Variants in PPP2R2B observed in about 807,000 individuals in gnomAD.
PPP2R2B encodes serine/threonine-protein phosphatase 2A 55 kDa regulatory subunit B beta isoform.
Under a neutral mutation model 46.0 loss-of-function variants are expected in PPP2R2B, and 5 were observed. The observed-to-expected ratio is 0.11, with a 90% CI of 0.06 to 0.23. PPP2R2B has a LOEUF of 0.23. PPP2R2B is among the 10% of genes least tolerant of loss of function. The probability of loss-of-function intolerance (pLI) is 1.00; values close to 1 mark genes in which losing one functional copy is unlikely to be tolerated. For missense variants in PPP2R2B, 367 were observed against 575.0 expected (o/e 0.64, Z 3.70); for synonymous variants, 215 against 206.7 (o/e 1.04, Z -0.34).
rs111379586 is a variant in PPP2R2B at position 147,053,812 on chromosome 5, T to A, written c.79+1853A>T. 9.0e-3 allele frequency among the ~76,000 whole-genome samples: 1,365 copies of A among 152,318 alleles called. 7 individuals carry two copies. The highest frequency in any genetic ancestry group is 0.014 in the Non-Finnish European group (953 of 68,030). ...TCAGTGGTAACAGTTCATCTCAACA[T>A]CCTTGTTATAGATAAAACTGGGCAT... On this transcript the variant is annotated intron_variant, in intron 1 of 8. Coordinates refer to the PPP2R2B transcript ENST00000336640.
intron 2 of PPP2R2B, among the ~76,000 whole-genome samples, chr5:146,725,594 C>A (rs1314867561): frequency 6.6e-6 from 1 of 152,168 alleles, no homozygotes; most frequent in Non-Finnish European, 1.5e-5. Flanking sequence ...AGTGTACTAT[C>A]CTCTTCTCAG....
chr5:146,874,143 C>T (rs914969425), intron 2 of PPP2R2B, among the ~76,000 whole-genome samples: 1 of 152,172 alleles, frequency 6.6e-6, no homozygotes, highest in African/African-American at 2.4e-5. Flanking sequence ...TGTGCCTTTC[C>T]TAAATATCAC....
chr5:146,747,680 G>A (rs1214150708), intron 2 of PPP2R2B, among the ~76,000 whole-genome samples: 1 of 152,172 alleles, frequency 6.6e-6, no homozygotes, highest in East Asian at 1.9e-4. Context: ...CCAAGGTTTG[G>A]GAAGTGGTAC....
In PPP2R2B at chr5:146,588,048, TTC is replaced by T. The variant is rs1390512749; in HGVS notation, c.*1897_*1898del. 1.3e-5 allele frequency: 2 copies of T among 152,150 alleles called. No homozygotes were observed. The highest frequency in any genetic ancestry group is 2.9e-5 in the Non-Finnish European group (2 of 68,018). 9.4% of individuals were successfully genotyped at this position (152,150 alleles called of 1,614,324 possible). On this transcript the variant is annotated 3_prime_UTR_variant, in exon 10 of 10. Coordinates refer to ENST00000394411, the MANE Select transcript of PPP2R2B (RefSeq NM_181675.4). ...ATCACTCTCTATGACTGGCAGAAGT[TTC>T]TGACTCTCTCATGTCTCCTCCAAGA...
intron 5 of PPP2R2B, among the ~76,000 whole-genome samples, chr5:146,669,500 AT>A (rs1777207125): frequency 2.0e-5 from 3 of 151,852 alleles, no homozygotes; most frequent in Admixed American, 2.0e-4. Flanking sequence ...ATATATTTAT[AT>A]GTATATATTA....
At chr5:146,632,556 G>C (rs1774512795) in intron 7 of PPP2R2B, among the ~76,000 whole-genome samples, 1 of 152,160 alleles carries the variant, frequency 6.6e-6, no homozygotes, top group African/African-American at 2.4e-5. Context: ...AGTAATTAGT[G>C]AGATAAAGTC....
intron 1 of PPP2R2B, among the ~76,000 whole-genome samples, chr5:146,956,298 C>T (rs981043936): frequency 6.6e-6 from 1 of 152,064 alleles, no homozygotes; most frequent in Non-Finnish European, 1.5e-5. Flanking sequence ...ACTTTAATCT[C>T]ATGAATGGAA....
intron 5 of PPP2R2B, among the ~76,000 whole-genome samples, chr5:146,674,162 C>T (rs322988): frequency 0.73 from 111,083 of 152,072 alleles, 42,925 homozygotes; most frequent in Non-Finnish European, 0.86. Flanking sequence ...GTACTAAAAG[C>T]CAGATACTGT....
intron 7 of PPP2R2B, among the ~76,000 whole-genome samples, chr5:146,633,399 G>A (rs540945892): frequency 1.3e-5 from 2 of 152,318 alleles, no homozygotes; most frequent in African/African-American, 4.8e-5. Context: ...TTGACTGCAG[G>A]CTGCCGTTTG....
chr5:146,907,620 C>A (rs2436401), intron 1 of PPP2R2B, among the ~76,000 whole-genome samples: 1 of 152,046 alleles, frequency 6.6e-6, no homozygotes, highest in East Asian at 1.9e-4. Flanking sequence ...CACACTGTGC[C>A]TCACACTGTT....
At chr5:146,764,254 G>A (rs966901341) in intron 2 of PPP2R2B, among the ~76,000 whole-genome samples, 9 of 152,084 alleles carry the variant, frequency 5.9e-5, no homozygotes, top group Admixed American at 1.3e-4. Context: ...GATGACAAAA[G>A]CCTTGTGGGC....
intron 2 of PPP2R2B, among the ~76,000 whole-genome samples, chr5:147,064,257 G>A (rs1384554072): frequency 6.6e-6 from 1 of 152,144 alleles, no homozygotes; most frequent in Non-Finnish European, 1.5e-5. Flanking sequence ...TTATGGCAGG[G>A]TTTCTCAACC....
At chr5:146,933,447 C>T (rs1764031783) in intron 1 of PPP2R2B, among the ~76,000 whole-genome samples, 1 of 151,990 alleles carries the variant, frequency 6.6e-6, no homozygotes, top group African/African-American at 2.4e-5. Flanking sequence ...TATTCCCATT[C>T]TCTCTCAGAT....
At chr5:146,667,065 G>C (rs925739866) in intron 5 of PPP2R2B, among the ~76,000 whole-genome samples, 3 of 152,112 alleles carry the variant, frequency 2.0e-5, no homozygotes, top group Non-Finnish European at 2.9e-5. Context: ...GTAGATTCTG[G>C]ATAATTGGAT....
chr5:146,846,951 C>T (rs913579457), intron 2 of PPP2R2B, among the ~76,000 whole-genome samples: 2 of 152,168 alleles, frequency 1.3e-5, no homozygotes, highest in Admixed American at 6.5e-5. Flanking sequence ...GTATTCTTAT[C>T]TCATGCAGAT....
Position 146,589,887 on chromosome 5 carries a change from T to A in PPP2R2B, c.*60A>T. On this transcript the variant is annotated 3_prime_UTR_variant, in exon 10 of 10. Transcript: ENST00000394411. ...CATCAAATGAAGACCCAAAGAAACATTTAAAAACTTGTTTGACTAGTATTC... is the reference window on the plus strand; with the variant it reads ...CATCAAATGAAGACCCAAAGAAACAATTAAAAACTTGTTTGACTAGTATTC... The A allele has an allele frequency of 6.6e-7, 1 of 1,510,384 alleles. No individual in the cohort carries two copies. Among genetic ancestry groups the A allele is most frequent in the South Asian group, 1.2e-5 (1 of 84,104 alleles). The allele number at this position is 1,510,384 out of a possible 1,614,324, so 93.6% of individuals were successfully genotyped here.
At chr5:146,706,069 C>A (rs1275200498) in intron 2 of PPP2R2B, among the ~76,000 whole-genome samples, 3 of 152,044 alleles carry the variant, frequency 2.0e-5, no homozygotes, top group African/African-American at 4.8e-5. Flanking sequence ...GCAGTGAACT[C>A]CCCCGCGGGT....
intron 2 of PPP2R2B, among the ~76,000 whole-genome samples, chr5:146,844,817 C>A (rs1759887193): frequency 6.6e-6 from 1 of 152,182 alleles, no homozygotes; most frequent in Non-Finnish European, 1.5e-5. Flanking sequence ...TCTCAATAAC[C>A]TGTGAGGTTG....
intron 5 of PPP2R2B, among the ~76,000 whole-genome samples, chr5:146,657,239 T>A (rs1010896939): frequency 2.0e-5 from 3 of 147,394 alleles, no homozygotes; most frequent in Non-Finnish European, 4.5e-5. Flanking sequence ...ATGAGAGGAG[T>A]TTTTCACAGA....
Sources: gnomAD v4.1 joint callset for allele counts (sites outside exome capture counted in the v4.1 genomes callset) on GRCh38, gnomAD v4.1.1 for gene constraint, MANE v1.5 for transcripts, NCBI Gene and HGNC (gene_info 2026-07-23, HGNC 2026-07-21) for gene names.